Variants in LRRC4C observed in about 807,000 individuals in gnomAD.
The protein encoded by LRRC4C is leucine rich repeat containing 4C.
A neutral mutation model predicts 33.6 loss-of-function variants in LRRC4C; 5 were observed. The ratio of observed to expected loss-of-function variants is 0.15; its 90% CI spans 0.08 to 0.31. LRRC4C has a LOEUF of 0.31. Among genes scored for constraint, LRRC4C ranks in the 10% least tolerant of loss-of-function variants. The pLI, the probability that LRRC4C is intolerant of heterozygous loss-of-function variation, is 1.00. For missense variants in LRRC4C, 560 were observed against 796.7 expected (o/e 0.70, Z 3.58); for synonymous variants, 329 against 302.0 (o/e 1.09, Z -0.93).
intron 2 of LRRC4C, among the ~76,000 whole-genome samples, chr11:40,889,621 A>G (rs920649060): frequency 2.6e-5 from 4 of 152,134 alleles, no homozygotes; most frequent in Non-Finnish European, 4.4e-5. Flanking sequence ...ATGTGATTAG[A>G]AAACCATCCA....
chr11:40,170,923 G>A (rs1035435395), intron 5 of LRRC4C, among the ~76,000 whole-genome samples: 3 of 152,188 alleles, frequency 2.0e-5, no homozygotes, highest in Non-Finnish European at 4.4e-5. Flanking sequence ...CCTTTTACAC[G>A]CTAATAAATT....
intron 3 of LRRC4C, among the ~76,000 whole-genome samples, chr11:40,399,471 G>C (rs1028056940): frequency 2.6e-5 from 4 of 151,856 alleles, no homozygotes; most frequent in Non-Finnish European, 5.9e-5. Context: ...CTCATAGGTG[G>C]GAATTGAACA....
At chr11:41,276,633 T>C (rs1230257065) in intron 1 of LRRC4C, among the ~76,000 whole-genome samples, 1 of 152,158 alleles carries the variant, frequency 6.6e-6, no homozygotes, top group East Asian at 1.9e-4. Context: ...TATATCCATA[T>C]CCTGCTCCCT....
chr11:40,182,603 T>C (rs1466336500), intron 5 of LRRC4C, among the ~76,000 whole-genome samples: 2 of 152,148 alleles, frequency 1.3e-5, no homozygotes, highest in East Asian at 1.9e-4. Flanking sequence ...TCAACGGCAA[T>C]ATTTAAAGAA....
At chr11:40,282,963 G>A (rs763538927) in intron 4 of LRRC4C, among the ~76,000 whole-genome samples, 15 of 152,140 alleles carry the variant, frequency 9.9e-5, no homozygotes, top group African/African-American at 3.1e-4. Flanking sequence ...TGTTATATTA[G>A]TCCATTTATG....
At chr11:40,463,990 A>G (rs945769653) in intron 3 of LRRC4C, among the ~76,000 whole-genome samples, 1 of 152,072 alleles carries the variant, frequency 6.6e-6, no homozygotes, top group African/African-American at 2.4e-5. Context: ...CTGCATGCCC[A>G]GAATCATCCT....
chr11:40,339,462 T>G (rs2136998493), intron 3 of LRRC4C, among the ~76,000 whole-genome samples: 1 of 152,332 alleles, frequency 6.6e-6, no homozygotes, highest in South Asian at 2.1e-4. Context: ...ATTAATGAGA[T>G]TTAAAATGTG....
intron 1 of LRRC4C, among the ~76,000 whole-genome samples, chr11:41,111,544 G>GAA (rs1941831768): frequency 6.6e-6 from 1 of 151,936 alleles, no homozygotes; most frequent in African/African-American, 2.4e-5. Flanking sequence ...CAAAGACGAG[G>GAA]AAAAAAGGTG....
chr11:41,068,306 T>A (rs1251383658), intron 1 of LRRC4C, among the ~76,000 whole-genome samples: 1 of 151,928 alleles, frequency 6.6e-6, no homozygotes, highest in Admixed American at 6.6e-5. Flanking sequence ...GGCAGGAGAA[T>A]CACTTGAACC....
chr11:41,432,219 C>T (rs1955263041), intron 1 of LRRC4C, among the ~76,000 whole-genome samples: 1 of 152,188 alleles, frequency 6.6e-6, no homozygotes, highest in African/African-American at 2.4e-5. Context: ...TCTTGCTTTA[C>T]TCAGTTTGAC....
At chr11:41,076,184 A>C (rs1183352503) in intron 1 of LRRC4C, among the ~76,000 whole-genome samples, 1 of 152,014 alleles carries the variant, frequency 6.6e-6, no homozygotes, top group Non-Finnish European at 1.5e-5. Flanking sequence ...CTCATATTCA[A>C]TTTTCTATTC....
intron 1 of LRRC4C, among the ~76,000 whole-genome samples, chr11:40,973,369 C>G (rs372415021): frequency 4.0e-5 from 6 of 151,804 alleles, no homozygotes; most frequent in East Asian, 1.9e-4. Flanking sequence ...CAAACAAAAA[C>G]CAAAAAAACA....
intron 3 of LRRC4C, among the ~76,000 whole-genome samples, chr11:40,444,913 A>G (rs1951561774): frequency 6.6e-6 from 1 of 152,182 alleles, no homozygotes; most frequent in African/African-American, 2.4e-5. Context: ...TAAGGTACAA[A>G]GGGAAAGTTC....
At chr11:40,855,829 A>G (rs1452645015) in intron 2 of LRRC4C, among the ~76,000 whole-genome samples, 1 of 151,992 alleles carries the variant, frequency 6.6e-6, no homozygotes, top group Non-Finnish European at 1.5e-5. Context: ...AATTTAAATG[A>G]ATGAGAGAAC....
At chr11:40,136,837 G>A (rs1857015796) in intron 6 of LRRC4C, among the ~76,000 whole-genome samples, 1 of 152,144 alleles carries the variant, frequency 6.6e-6, no homozygotes, top group Non-Finnish European at 1.5e-5. Context: ...AGTACACTGT[G>A]ACATATTGCT....
In LRRC4C at chr11:40,114,951, T is replaced by A; in HGVS notation, c.1342A>T (p.Thr448Ser). Residue 448 changes from threonine to serine, a missense_variant, in exon 7 of 7, where the codon ACT becomes TCT. Thr to Ser is a moderately conservative substitution (Grantham distance 58). Around this residue, in one of 3 missense-constraint regions of LRRC4C, gnomAD observed 455 missense variants for 643.8 expected, o/e 0.71. Transcript: ENST00000528697. ...SATLNVTAAT[T>S]TPFSYFSTVT... ...GTTGAAAAGTAAGAGAAAGGAGTAG[T>A]GGTTGCTGCAGTAACATTCAGGGTG... 1 of 1,614,172 alleles carries A rather than the reference T, an allele frequency of 6.2e-7. No individual in the cohort carries two copies. The highest frequency in any genetic ancestry group is 8.5e-7 in the Non-Finnish European group (1 of 1,180,036).
chr11:41,167,545 C>G (rs1944784414), intron 1 of LRRC4C, among the ~76,000 whole-genome samples: 1 of 152,160 alleles, frequency 6.6e-6, no homozygotes, highest in Non-Finnish European at 1.5e-5. Context: ...TTGCCTGAAA[C>G]AAATCAAACT....
chr11:41,182,863 AG>A (rs1378873720), intron 1 of LRRC4C, among the ~76,000 whole-genome samples: 2 of 142,000 alleles, frequency 1.4e-5, no homozygotes, highest in African/African-American at 5.0e-5. Context: ...AAAAAAAAAA[AG>A]GTTTAATGTA....
intron 3 of LRRC4C, among the ~76,000 whole-genome samples, chr11:40,572,295 C>G (rs79094034): frequency 0.012 from 1,782 of 152,194 alleles, 32 homozygotes; most frequent in African/African-American, 0.04. Flanking sequence ...GGTTTAGATG[C>G]CATAATTAGG....
Sources: gnomAD v4.1 joint callset for allele counts (sites outside exome capture counted in the v4.1 genomes callset) on GRCh38, gnomAD v4.1.1 for gene constraint, gnomAD v4.1.1 regional missense constraint, MANE v1.5 for transcripts, NCBI Gene and HGNC (gene_info 2026-07-23, HGNC 2026-07-21) for gene names.